The following TCERG1L variants were observed in gnomAD, a reference collection of about 807,000 sequenced individuals.
TCERG1L encodes the protein transcription elongation regulator 1-like protein.
A neutral mutation model predicts 56.3 loss-of-function variants in TCERG1L; 37 were observed. That is an observed-to-expected ratio of 0.66 (90% CI 0.51 to 0.87). The LOEUF (loss-of-function observed/expected upper bound fraction) is 0.87. Ranked by LOEUF, TCERG1L falls within the 40% of genes least tolerant of loss-of-function variation. The pLI is 0.00. For missense variants in TCERG1L, 799 were observed against 774.2 expected, an observed-to-expected ratio of 1.03 and a Z score of -0.38; for synonymous variants, 324 against 326.3, an observed-to-expected ratio of 0.99 and a Z score of 0.08.
chr10:131,142,843 T>A (rs1468590806), intron 7 of TCERG1L, among the ~76,000 whole-genome samples: 2 of 152,200 alleles, frequency 1.3e-5, no homozygotes, highest in African/African-American at 4.8e-5. Flanking sequence ...AAGGTGTGCA[T>A]ACACTGGACT....
chr10:131,150,336 T>C (rs1845850563), intron 6 of TCERG1L, among the ~76,000 whole-genome samples: 2 of 152,224 alleles, frequency 1.3e-5, no homozygotes, highest in African/African-American at 2.4e-5. Context: ...GGCCAGATGC[T>C]CACTGAGGCA....
At chr10:131,245,446 C>T (rs1420952951) in intron 4 of TCERG1L, among the ~76,000 whole-genome samples, 1 of 152,126 alleles carries the variant, frequency 6.6e-6, no homozygotes, top group Non-Finnish European at 1.5e-5. Context: ...TTGAAGTCGA[C>T]ATTAGCTTCC....
At chr10:131,306,078 AT>A (rs764905861) in intron 3 of TCERG1L, among the ~76,000 whole-genome samples, 29 of 152,076 alleles carry the variant, frequency 1.9e-4, no homozygotes, top group Admixed American at 3.3e-4. Flanking sequence ...AATTAAAACG[AT>A]TTACCTCAAT....
chr10:131,214,369 G>A (rs1845647473), intron 4 of TCERG1L, among the ~76,000 whole-genome samples: 1 of 152,144 alleles, frequency 6.6e-6, no homozygotes, highest in Admixed American at 6.5e-5. Flanking sequence ...TCTTGTTCCA[G>A]CTGGTGGCAT....
intron 4 of TCERG1L, among the ~76,000 whole-genome samples, chr10:131,201,974 G>T (rs900853384): frequency 6.6e-6 from 1 of 152,202 alleles, no homozygotes; most frequent in Non-Finnish European, 1.5e-5. Flanking sequence ...GGGTCACGGG[G>T]GCTGGTTCTC....
intron 4 of TCERG1L, among the ~76,000 whole-genome samples, chr10:131,207,116 C>T (rs1189762366): frequency 6.6e-6 from 1 of 152,234 alleles, no homozygotes; most frequent in African/African-American, 2.4e-5. Context: ...GCCAAGAAAG[C>T]TGCATGGAGA....
intron 9 of TCERG1L, among the ~76,000 whole-genome samples, chr10:131,114,747 G>A (rs1014021896): frequency 2.6e-4 from 39 of 152,192 alleles, no homozygotes; most frequent in African/African-American, 8.0e-4. Flanking sequence ...TTAAAACTGT[G>A]TTGGTAAATT....
chr10:131,128,064 A>T (rs1213348953), intron 8 of TCERG1L, among the ~76,000 whole-genome samples: 1 of 152,226 alleles, frequency 6.6e-6, no homozygotes, highest in African/African-American at 2.4e-5. Context: ...TCTTATTTTA[A>T]AATGAGTAAA....
intron 4 of TCERG1L, among the ~76,000 whole-genome samples, chr10:131,183,628 C>T: frequency 6.6e-6 from 1 of 152,164 alleles, no homozygotes; most frequent in East Asian, 1.9e-4. Context: ...CCAGAACAAG[C>T]TCAGAATACA....
chr10:131,134,644 T>C (rs1845654826), intron 7 of TCERG1L, among the ~76,000 whole-genome samples, 196 bp from the exon 8 acceptor site: 1 of 152,242 alleles, frequency 6.6e-6, no homozygotes, highest in Non-Finnish European at 1.5e-5. Context: ...GAAATCTGAC[T>C]GTGCTGTTCT....
chr10:131,256,992 G>GGAAGGAAAGGAAGAAA (rs1846173015), intron 4 of TCERG1L, among the ~76,000 whole-genome samples: 10 of 59,170 alleles, frequency 1.7e-4, no homozygotes, highest in African/African-American at 5.0e-4. Flanking sequence ...AAGGAAGGAA[G>GGAAGGAAAGGAAGAAA]GAAAGAAAGA....
At chr10:131,163,001 T>C (rs1845993257) in intron 6 of TCERG1L, 121 bp downstream of exon 6, 2 of 730,428 alleles carry the variant, frequency 2.7e-6, no homozygotes, top group Admixed American at 3.5e-5. Context: ...GAGTTGCAAG[T>C]TCATTGTTTT....
chr10:131,161,794 T>C (rs1309849961), intron 6 of TCERG1L: 1 of 152,258 alleles, frequency 6.6e-6, no homozygotes, highest in African/African-American at 2.4e-5. Context: ...ATTAAAATTC[T>C]AAAACATTGA....
intron 4 of TCERG1L, among the ~76,000 whole-genome samples, chr10:131,216,169 C>T (rs574186971): frequency 1.3e-5 from 2 of 152,328 alleles, no homozygotes; most frequent in African/African-American, 4.8e-5. Context: ...TCAGTTTCTG[C>T]TCACTCTGCC....
At chr10:131,176,023 C>A (rs1247048542) in intron 4 of TCERG1L, among the ~76,000 whole-genome samples, 2 of 152,206 alleles carry the variant, frequency 1.3e-5, no homozygotes, top group Non-Finnish European at 2.9e-5. Flanking sequence ...CAAGGCAGTG[C>A]GAAAAATACA....
chr10:131,110,210 C>T (rs1041606649), intron 9 of TCERG1L, among the ~76,000 whole-genome samples: 8 of 152,214 alleles, frequency 5.3e-5, no homozygotes, highest in African/African-American at 1.9e-4. Context: ...TTTTCCAGAT[C>T]AAGTGGCAAG....
intron 1 of TCERG1L, among the ~76,000 whole-genome samples, chr10:131,309,544 C>T (rs1209643508): frequency 6.6e-6 from 1 of 152,094 alleles, no homozygotes; most frequent in Admixed American, 6.5e-5. Flanking sequence ...TGAAAAAGAA[C>T]TTCTAAGCAC....
chr10:131,135,137 T>G (rs78394441), intron 7 of TCERG1L, among the ~76,000 whole-genome samples: 1 of 152,054 alleles, frequency 6.6e-6, no homozygotes, highest in Non-Finnish European at 1.5e-5. Flanking sequence ...TGGTCTGGAG[T>G]GTCATCCAGA....
intron 4 of TCERG1L, among the ~76,000 whole-genome samples, chr10:131,256,992 G>GGAAGGAAGGAAGGAAAGAAA (rs1846173015): frequency 1.7e-5 from 1 of 59,208 alleles, no homozygotes; most frequent in Non-Finnish European, 3.8e-5. Flanking sequence ...AAGGAAGGAA[G>GGAAGGAAGGAAGGAAAGAAA]GAAAGAAAGA....
Sources: allele counts gnomAD v4.1 joint callset (sites outside exome capture counted in the v4.1 genomes callset), GRCh38; gene constraint gnomAD v4.1.1; transcripts MANE v1.5; gene names NCBI Gene and HGNC (gene_info 2026-07-23, HGNC 2026-07-21).